Variants in ADH1C observed in about 807,000 individuals in gnomAD.
ADH1C encodes alcohol dehydrogenase 1C.
ADH1C carries 26 observed loss-of-function variants against 35.0 expected under a neutral mutation model. The observed-to-expected ratio is 0.74, with a 90% CI of 0.54 to 1.03. ADH1C has a LOEUF of 1.03. ADH1C is among the 50% of genes least tolerant of loss of function. The probability of loss-of-function intolerance (pLI) is 0.00; values close to 1 mark genes in which losing one functional copy is unlikely to be tolerated. For synonymous variants in ADH1C, 170 were observed against 169.3 expected (o/e 1.00, Z -0.03); for missense variants, 413 against 465.4 (o/e 0.89, Z 1.04).
Position 99,342,976 on chromosome 4 carries a change from C to G in ADH1C, c.647G>C (p.Gly216Ala), listed in dbSNP as rs1734451106. The G allele has an allele frequency of 6.2e-7, 1 of 1,614,234 alleles. No individual in the cohort carries two copies. Among genetic ancestry groups the G allele is most frequent in the East Asian group, 2.2e-5 (1 of 44,892 alleles). Reference protein sequence around the residue: ...LSVVMGCKAAGAARIIAVDIN... With the variant: ...LSVVMGCKAAAAARIIAVDIN... ...GTCCACAGCAATGATTCTGGCTGCT[C>G]CAGCTGCTTTACAGCCCATAACAAC... The change falls in exon 6 of 9, where the codon GGA becomes GCA. Residue 216 changes from glycine (G) to alanine (A), a missense_variant. Transcript: ENST00000515683.
intron 1 of ADH1C, among the ~76,000 whole-genome samples, chr4:99,352,027 C>T (rs945523250): frequency 6.6e-6 from 1 of 152,156 alleles, no homozygotes; most frequent in Non-Finnish European, 1.5e-5. Flanking sequence ...CATAAGATTT[C>T]TGTGGAAATT....
At position 99,344,925 on chromosome 4, in the gene ADH1C, C is replaced by T. The variant is rs1315583574; in HGVS notation, c.504G>A (p.Glu168=). 6.2e-7 allele frequency: 1 copy of T among 1,614,240 alleles called. No individual in the cohort carries two copies. The highest frequency in any genetic ancestry group is 1.3e-5 in the African/African-American group (1 of 75,060). The change falls in exon 5 of 9, where the codon GAG becomes GAA. Residue 168 remains glutamate (E), a synonymous_variant. Coordinates refer to ENST00000515683, the MANE Select transcript of ADH1C (RefSeq NM_000669.5). ...VAKIDAASPL[E]KVCLIGCGFS... ...ATCCACAGCCAATGAGGCAGACTTT[C>T]TCCAGGGGCGAGGCTGCATCAATTT...
At chr4:99,349,578 A>G (rs1191761016) in intron 1 of ADH1C, among the ~76,000 whole-genome samples, 1 of 152,222 alleles carries the variant, frequency 6.6e-6, no homozygotes, top group African/African-American at 2.4e-5. Context: ...CCATAAAAAC[A>G]GTTATACATT....
intron 1 of ADH1C, among the ~76,000 whole-genome samples, chr4:99,349,278 T>G (rs1421159307): frequency 1.3e-5 from 2 of 150,696 alleles, no homozygotes; most frequent in African/African-American, 4.9e-5. Flanking sequence ...GTTTAAGTCT[T>G]TAATCCATCT....
At position 99,346,629 on chromosome 4, in the gene ADH1C, C is replaced by T. The variant is rs78528359; in HGVS notation, c.259+377G>A. On this transcript the variant is annotated intron_variant, in intron 3 of 8. Transcript: ENST00000515683. ...TGTCCATACTTATGTTTTTTTTTCT[C>T]CCCTCCCATTTATAGTTTTTTGGGC... is the stretch of plus-strand genomic sequence containing the variant. Among the ~76,000 whole-genome samples, 1,497 of 151,628 alleles carry T rather than the reference C, an allele frequency of 9.9e-3. 19 individuals are homozygous for T. Among genetic ancestry groups the T allele is most frequent in the African/African-American group, 0.033 (1,379 of 41,406 alleles).
In ADH1C at chr4:99,336,664, G is replaced by T. The variant is rs368254860; in HGVS notation, c.*88C>A. On this transcript the variant is annotated 3_prime_UTR_variant, in exon 9 of 9. Coordinates refer to ENST00000515683, the MANE Select transcript of ADH1C (RefSeq NM_000669.5). ...TTATTTTTAACATCTCTGAAGAGCA[G>T]AATTAATGATATTTCCTAGCTGTTG... is the stretch of plus-strand genomic sequence containing the variant. 6.7e-7 allele frequency: 1 copy of T among 1,489,010 alleles called. No homozygotes were observed. The highest frequency in any genetic ancestry group is 1.4e-5 in the African/African-American group (1 of 72,222). The allele number at this position is 1,489,010 out of a possible 1,614,324, so 92.2% of individuals were successfully genotyped here.
At chr4:99,341,434 T>G (rs1734413332) in intron 6 of ADH1C, among the ~76,000 whole-genome samples, 2 of 152,208 alleles carry the variant, frequency 1.3e-5, no homozygotes, top group South Asian at 4.1e-4. Context: ...TCAGAACATG[T>G]GGCTGTCAGA....
chr4:99,345,116 G>C (rs1365596461), intron 4 of ADH1C, 35 bp from the exon 5 acceptor site: 2 of 1,613,956 alleles, frequency 1.2e-6, no homozygotes, highest in Non-Finnish European at 1.7e-6. Context: ...ACAAAGGCAT[G>C]AGACAGGACC....
intron 3 of ADH1C, among the ~76,000 whole-genome samples, chr4:99,345,594 C>T (rs1190842580): frequency 6.6e-6 from 1 of 152,134 alleles, no homozygotes; most frequent in Non-Finnish European, 1.5e-5. Context: ...TAATCCTTGT[C>T]TAATTAAATC....
At chr4:99,336,964 TG>T (rs1204119378) in intron 8 of ADH1C, among the ~76,000 whole-genome samples, 188 bp from the exon 9 acceptor site, 3 of 152,180 alleles carry the variant, frequency 2.0e-5, no homozygotes, top group African/African-American at 2.4e-5. Context: ...TTTTCTCTTG[TG>T]TTTTCTTCAA....
intron 2 of ADH1C, 27 bp from the exon 3 acceptor site, chr4:99,347,171 A>G: frequency 6.2e-7 from 1 of 1,603,574 alleles, no homozygotes; most frequent in Non-Finnish European, 8.5e-7. Flanking sequence ...AGATGTTTAG[A>G]TTCAGAAAAG....
rs34936799 is a variant in ADH1C, at chr4:99,339,527, G to A, written c.1103+50C>T. 2.3e-3 allele frequency: 1,521 copies of A among 666,404 alleles called. 41 individuals carry two copies. In the African/African-American group the frequency reaches 0.028, roughly 12 times the overall value. 41.3% of individuals were successfully genotyped at this position (666,404 alleles called of 1,614,324 possible). On this transcript the variant is annotated intron_variant, in intron 8 of 8. Transcript: ENST00000515683. ...GCTAGACAACGCCCCCCCCCCCCCC[G>A]CCGCTACTGTAGAATACAAAGCAAA...
At chr4:99,346,269 G>C (rs1416738183) in intron 3 of ADH1C, among the ~76,000 whole-genome samples, 1 of 151,962 alleles carries the variant, frequency 6.6e-6, no homozygotes, top group Non-Finnish European at 1.5e-5. Flanking sequence ...AAATGTCCTA[G>C]TTATTCATCC....
intron 1 of ADH1C, among the ~76,000 whole-genome samples, chr4:99,349,410 C>T (rs1246130597): frequency 6.6e-6 from 1 of 152,026 alleles, no homozygotes; most frequent in Non-Finnish European, 1.5e-5. Flanking sequence ...ATGTTTAATC[C>T]TGATATTTTC....
At chr4:99,348,039 T>C (rs531995660) in intron 1 of ADH1C, among the ~76,000 whole-genome samples, 193 bp from the exon 2 acceptor site, 9 of 152,320 alleles carry the variant, frequency 5.9e-5, no homozygotes, top group African/African-American at 1.9e-4. Context: ...TAAGGAAAGA[T>C]AAACAGAGTT....
Position 99,347,927 on chromosome 4 carries a change from G to A in ADH1C, c.19-81C>T, listed in dbSNP as rs878965466. ...ATTGTGTCTTTTCATCTTTGTACAT[G>A]CAACATTGAGTCCCATGTCTGGCAC... is the stretch of plus-strand genomic sequence containing the variant. On this transcript the variant is annotated intron_variant, in intron 1 of 8. Coordinates refer to ENST00000515683, the MANE Select transcript of ADH1C (RefSeq NM_000669.5). 1.0e-5 allele frequency: 15 copies of A among 1,491,744 alleles called. No homozygotes were observed. The South Asian group carries it at 1.5e-4, about 15-fold the overall frequency. 92.4% of individuals were successfully genotyped at this position (1,491,744 alleles called of 1,614,324 possible).
At chr4:99,346,065 G>A (rs1344475238) in intron 3 of ADH1C, among the ~76,000 whole-genome samples, 1 of 152,126 alleles carries the variant, frequency 6.6e-6, no homozygotes, top group Non-Finnish European at 1.5e-5. Context: ...AAATTGGACA[G>A]TTTATTTTAT....
At chr4:99,339,527 GCCGCT>G in intron 8 of ADH1C, 45 bp downstream of exon 8, 7 of 665,234 alleles carry the variant, frequency 1.1e-5, no homozygotes, top group Non-Finnish European at 1.5e-5. Flanking sequence ...CCCCCCCCCC[GCCGCT>G]ACTGTAGAAT....
chr4:99,340,474 A>T, intron 7 of ADH1C, 101 bp downstream of exon 7: 1 of 1,375,612 alleles, frequency 7.3e-7, no homozygotes, highest in Non-Finnish European at 1.0e-6. Context: ...ATTTTAATTT[A>T]TTTTTAATTT....
Sources: allele counts gnomAD v4.1 joint callset (sites outside exome capture counted in the v4.1 genomes callset), GRCh38; gene constraint gnomAD v4.1.1; transcripts MANE v1.5; gene names NCBI Gene and HGNC (gene_info 2026-07-23, HGNC 2026-07-21).